DLGAP2: variants seen among roughly 807,000 people sequenced by gnomAD.
DLGAP2 encodes the protein disks large-associated protein 2.
DLGAP2 carries 26 observed loss-of-function variants against 100.3 expected under a neutral mutation model. The ratio of observed to expected loss-of-function variants is 0.26; its 90% confidence interval spans 0.19 to 0.36. DLGAP2 has a LOEUF of 0.36. Ranked by LOEUF, DLGAP2 falls within the 10% of genes least tolerant of loss-of-function variation. The probability of loss-of-function intolerance (pLI) is 1.00; values close to 1 mark genes in which losing one functional copy is unlikely to be tolerated. For missense variants in DLGAP2, 1,858 were observed against 1,453.2 expected, an observed-to-expected ratio of 1.28 and a Z score of -4.53; for synonymous variants, 886 against 630.1, an observed-to-expected ratio of 1.41 and a Z score of -6.08.
chr8:1,462,987 G>T (rs1324541958), intron 3 of DLGAP2, among the ~76,000 whole-genome samples: 1 of 152,152 alleles, frequency 6.6e-6, no homozygotes, highest in Non-Finnish European at 1.5e-5. Context: ...AGTGGCTCAC[G>T]CCTGTAATCC....
intron 6 of DLGAP2, among the ~76,000 whole-genome samples, chr8:1,599,524 T>G (rs1267304539): frequency 6.6e-6 from 1 of 152,204 alleles, no homozygotes; most frequent in Admixed American, 6.5e-5. Flanking sequence ...AAGAACTTGA[T>G]TTATGAATCT....
chr8:990,050 T>G (rs1800611772), intron 2 of DLGAP2, among the ~76,000 whole-genome samples: 1 of 152,050 alleles, frequency 6.6e-6, no homozygotes, highest in South Asian at 2.1e-4. Context: ...ATGGCTTCAT[T>G]ACAGATCACT....
chr8:1,663,014 GTA>G (rs1377478786), intron 8 of DLGAP2, among the ~76,000 whole-genome samples: 5 of 148,238 alleles, frequency 3.4e-5, no homozygotes, highest in South Asian at 2.2e-4. Flanking sequence ...GTGTGTGTGT[GTA>G]TACCTGTGTG....
chr8:1,376,042 ACGACACC>A (rs752677314), intron 3 of DLGAP2, among the ~76,000 whole-genome samples: 4,703 of 65,066 alleles, frequency 0.072, 204 homozygotes, highest in Non-Finnish European at 0.1. Context: ...ATTTGGGTTA[ACGACACC>A]TCTCCACGGC....
intron 1 of DLGAP2, among the ~76,000 whole-genome samples, chr8:867,603 G>A (rs1226142827): frequency 1.3e-5 from 2 of 152,226 alleles, no homozygotes; most frequent in East Asian, 3.8e-4. Context: ...ATCTGAGAAG[G>A]CTGTGGATCT....
At chr8:1,662,936 G>T (rs1285025022) in intron 8 of DLGAP2, among the ~76,000 whole-genome samples, 1 of 147,858 alleles carries the variant, frequency 6.8e-6, no homozygotes, top group Non-Finnish European at 1.5e-5. Context: ...ACGTAGTGTG[G>T]GGTGTGTGTG....
At chr8:985,227 C>T (rs1197843582) in intron 2 of DLGAP2, among the ~76,000 whole-genome samples, 1 of 152,106 alleles carries the variant, frequency 6.6e-6, no homozygotes, top group Non-Finnish European at 1.5e-5. Context: ...ATACAAGGTC[C>T]GAAGGCCTGG....
At chr8:1,497,067 C>T (rs141526945) in intron 3 of DLGAP2, among the ~76,000 whole-genome samples, 1 of 152,254 alleles carries the variant, frequency 6.6e-6, no homozygotes, top group Non-Finnish European at 1.5e-5. Flanking sequence ...AAAGGTGACT[C>T]CTAAAGTACG....
At chr8:1,673,901 T>C (rs1798749287) in intron 10 of DLGAP2, among the ~76,000 whole-genome samples, 1 of 152,182 alleles carries the variant, frequency 6.6e-6, no homozygotes, top group African/African-American at 2.4e-5. Flanking sequence ...TTACTTTTGT[T>C]ATATTTTTCT....
intron 2 of DLGAP2, among the ~76,000 whole-genome samples, chr8:1,145,243 C>G (rs961446003): frequency 1.3e-5 from 2 of 152,092 alleles, no homozygotes; most frequent in African/African-American, 2.4e-5. Flanking sequence ...CTTGCCCCAC[C>G]CAGCCACCAT....
chr8:1,365,473 A>G (rs1470498896), intron 3 of DLGAP2, among the ~76,000 whole-genome samples: 3 of 152,160 alleles, frequency 2.0e-5, no homozygotes, highest in African/African-American at 7.2e-5. Context: ...CTCCTAATGA[A>G]GAAGAAACTG....
chr8:833,784 A>AT (rs371271868), intron 1 of DLGAP2, among the ~76,000 whole-genome samples: 250 of 152,254 alleles, frequency 1.6e-3, no homozygotes, highest in African/African-American at 5.9e-3. Flanking sequence ...ATCTTTAGAG[A>AT]TTTTTTACCA....
chr8:1,263,841 T>C (rs375657703), intron 3 of DLGAP2, among the ~76,000 whole-genome samples: 3 of 152,280 alleles, frequency 2.0e-5, no homozygotes, highest in East Asian at 3.9e-4. Context: ...AGCTCTTTAA[T>C]TGAATGCTTT....
At chr8:1,432,177 TTC>T (rs1019572746) in intron 3 of DLGAP2, among the ~76,000 whole-genome samples, 3 of 152,250 alleles carry the variant, frequency 2.0e-5, no homozygotes, top group African/African-American at 7.2e-5. Flanking sequence ...AAACAAGTGT[TTC>T]TCTTTCTGCT....
intron 3 of DLGAP2, among the ~76,000 whole-genome samples, chr8:1,356,338 T>C (rs1801850003): frequency 6.6e-6 from 1 of 152,212 alleles, no homozygotes; most frequent in African/African-American, 2.4e-5. Flanking sequence ...TTACAGGCAG[T>C]AAAACAAATC....
intron 2 of DLGAP2, among the ~76,000 whole-genome samples, chr8:1,199,395 A>G (rs1797820799): frequency 6.6e-6 from 1 of 152,326 alleles, no homozygotes; most frequent in Non-Finnish European, 1.5e-5. Context: ...AGATTCCAGG[A>G]TTACAGAAGA....
chr8:1,066,430 T>TGAG (rs1293818958), intron 2 of DLGAP2, among the ~76,000 whole-genome samples: 1 of 142,570 alleles, frequency 7.0e-6, no homozygotes. Context: ...CAGGTCTGAG[T>TGAG]GAGGGCAGCT....
At chr8:1,316,354 G>A (rs551548324) in intron 3 of DLGAP2, among the ~76,000 whole-genome samples, 6 of 137,474 alleles carry the variant, frequency 4.4e-5, no homozygotes, top group East Asian at 2.1e-4. Context: ...CGAGTGCAGC[G>A]TCTCTCCAAC....
chr8:1,494,859 C>A (rs1477967193), intron 3 of DLGAP2, among the ~76,000 whole-genome samples: 2 of 152,198 alleles, frequency 1.3e-5, no homozygotes, highest in African/African-American at 2.4e-5. Flanking sequence ...GGAGATCTAA[C>A]TCTTCTGTGG....
Sources: gnomAD v4.1 joint callset for allele counts (sites outside exome capture counted in the v4.1 genomes callset) on GRCh38, gnomAD v4.1.1 for gene constraint, MANE v1.5 for transcripts, NCBI Gene and HGNC (gene_info 2026-07-23, HGNC 2026-07-21) for gene names.